The following EPN1 variants were observed in gnomAD, a reference collection of about 807,000 sequenced individuals.
EPN1 encodes the protein epsin 1.
In EPN1, 25 loss-of-function variants were observed where a neutral mutation model predicts 56.9. That is an observed-to-expected ratio of 0.44 (90% CI 0.32 to 0.61). The LOEUF (loss-of-function observed/expected upper bound fraction) is 0.61, where lower values mean the gene tolerates loss of function less well. Ranked by LOEUF, EPN1 falls within the 20% of genes least tolerant of loss-of-function variation. The pLI, the probability that EPN1 is intolerant of heterozygous loss-of-function variation, is 0.05. For missense variants in EPN1, 785 were observed against 823.7 expected (o/e 0.95, Z 0.58); for synonymous variants, 411 against 361.8 (o/e 1.14, Z -1.54).
chr19:55,685,495 C>A lies in EPN1; in HGVS notation c.328C>A (p.Gln110Lys). 6.2e-7 allele frequency: 1 copy of A among 1,612,872 alleles called. No homozygotes were observed. The highest frequency in any genetic ancestry group is 8.5e-7 in the Non-Finnish European group (1 of 1,179,474). ...MYAVQTLKDF[Q>K]YVDRDGKDQG... ...CGCCGTGCAGACGCTGAAGGACTTC[C>A]AGTACGTGGACCGCGACGGCAAGGA... Residue 110 changes from glutamine (Q) to lysine (K), a missense_variant, in exon 3 of 11, where the codon CAG becomes AAG. Transcript: ENST00000270460.
In EPN1 at chr19:55,702,346, GGAGT is replaced by G. The variant is rs2122240475; in HGVS notation, c.*6992_*6995del. ...TTATCTGTGTGTGCTAAAAGGGGAG[GGAGT>G]GTTTCTGTGCCCATTCCCAGGCACC... On this transcript the variant is annotated 3_prime_UTR_variant, in exon 11 of 11. Transcript: ENST00000270460. The G allele has an allele frequency of 6.6e-6, 1 of 152,418 alleles. No homozygotes were observed. The highest frequency in any genetic ancestry group is 1.9e-4 in the East Asian group (1 of 5,180). 9.4% of individuals were successfully genotyped at this position (152,418 alleles called of 1,614,324 possible).
rs929900908 is a variant in EPN1, at chr19:55,705,789, G to A, written c.*10433G>A. ...CAACAGTCATACTGACATTGTGGCT[G>A]GAATATTTGTTGTTGTGGGATATAT... On this transcript the variant is annotated 3_prime_UTR_variant, in exon 11 of 11. Coordinates refer to ENST00000270460, the MANE Select transcript of EPN1 (RefSeq NM_001130072.2). 1 of 116,334 alleles carries A rather than the reference G, an allele frequency of 8.6e-6. No homozygotes were observed. The highest frequency in any genetic ancestry group is 1.9e-5 in the Non-Finnish European group (1 of 53,424). The allele number at this position is 116,334 out of a possible 1,614,324, so 7.2% of individuals were successfully genotyped here.
Position 55,691,777 on chromosome 19 carries a change from C to A in EPN1, c.786C>A (p.Asp262Glu), listed in dbSNP as rs373830625. 3 of 1,612,798 alleles carry A rather than the reference C, an allele frequency of 1.9e-6. No homozygotes were observed. Among genetic ancestry groups the A allele is most frequent in the East Asian group, 4.5e-5 (2 of 44,854 alleles). Reference sequence around the variant, plus strand: ...AGTCGTCCCTCATGGACCTTGCTGACGTCTTCACGGCCCCAGCTCCTGCCC... The same window carrying A: ...AGTCGTCCCTCATGGACCTTGCTGAAGTCTTCACGGCCCCAGCTCCTGCCC... ...KEESSLMDLA[D>E]VFTAPAPAPT... Residue 262 changes from aspartate to glutamate, a missense_variant, in exon 7 of 11, where the codon GAC becomes GAA. Around this residue, in one of 2 missense-constraint regions of EPN1, gnomAD observed 650 missense variants for 605.0 expected, o/e 1.07. Coordinates refer to ENST00000270460, the MANE Select transcript of EPN1 (RefSeq NM_001130072.2). The surrounding 1 kb of genome is among the most constrained non-coding windows in gnomAD (Gnocchi z 5.6).
rs997064638 is a variant in EPN1, at chr19:55,675,269, C to G, written c.-268C>G. On this transcript the variant is annotated 5_prime_UTR_variant, in exon 1 of 11. Transcript: ENST00000270460. The stretch of plus-strand genomic sequence containing the variant: ...TCGGCGGCTCCCCTCCCCCGCCCGG[C>G]TCTCCGCGCCCCTTCTGGGCGGCGG... The G allele has an allele frequency of 3.3e-5, 5 of 152,054 alleles. No homozygotes were observed. Among genetic ancestry groups the G allele is most frequent in the African/African-American group, 9.7e-5 (4 of 41,428 alleles). 9.4% of individuals were successfully genotyped at this position (152,054 alleles called of 1,614,324 possible). A position where few individuals can be genotyped will look rare whatever the true frequency, so the allele number is the denominator to read the frequency against.
rs960543561 is a variant in EPN1 at position 55,700,181 on chromosome 19, C to T, written c.*4825C>T. 1.3e-5 allele frequency: 2 copies of T among 151,108 alleles called. No individual in the cohort carries two copies. Among genetic ancestry groups the T allele is most frequent in the African/African-American group, 5.0e-5 (2 of 40,366 alleles). 9.4% of individuals were successfully genotyped at this position (151,108 alleles called of 1,614,324 possible). On this transcript the variant is annotated 3_prime_UTR_variant, in exon 11 of 11. Transcript: ENST00000270460. ...CTCGTGATCTGCCCACCTCGGCCTTCCAAAGTGTTGGGATTACAGGCTTGA... is the reference window on the plus strand; with the variant it reads ...CTCGTGATCTGCCCACCTCGGCCTTTCAAAGTGTTGGGATTACAGGCTTGA...
chr19:55,694,699 C>A lies in EPN1; in HGVS notation c.1265-27C>A. 6.5e-7 allele frequency: 1 copy of A among 1,537,928 alleles called. No homozygotes were observed. Among genetic ancestry groups the A allele is most frequent in the Non-Finnish European group, 8.8e-7 (1 of 1,142,238 alleles). On this transcript the variant is annotated intron_variant, in intron 9 of 10. Transcript: ENST00000270460. The surrounding 1 kb of genome is among the most constrained non-coding windows in gnomAD (Gnocchi z 4.2). ...GGAGCCTCACTGCTGTCTGCCCTGT[C>A]TGAGCCCCTCTCCCGGATCCTTCCA... is the stretch of plus-strand genomic sequence containing the variant.
At position 55,705,205 on chromosome 19, in the gene EPN1, C is replaced by CT; in HGVS notation, c.*9851dup. The stretch of plus-strand genomic sequence containing the variant: ...GACCTCTTAGGAGTCTTTGAAGGAA[C>CT]TTAGCATAGATACCGATAGCTGCTG... On this transcript the variant is annotated 3_prime_UTR_variant, in exon 11 of 11. Coordinates refer to ENST00000270460, the MANE Select transcript of EPN1 (RefSeq NM_001130072.2). 1 of 152,300 alleles carries CT rather than the reference C, an allele frequency of 6.6e-6. No individual in the cohort carries two copies. Among genetic ancestry groups the CT allele is most frequent in the South Asian group, 2.1e-4 (1 of 4,822 alleles). 9.4% of individuals were successfully genotyped at this position (152,300 alleles called of 1,614,324 possible). A position where few individuals can be genotyped will look rare whatever the true frequency, so the allele number is the denominator to read the frequency against.
rs1356944722 is a variant in EPN1 at position 55,689,273 on chromosome 19, C to T, written c.604-24C>T. On this transcript the variant is annotated intron_variant, in intron 4 of 10. Coordinates refer to ENST00000270460, the MANE Select transcript of EPN1 (RefSeq NM_001130072.2). The surrounding 1 kb of genome is among the most constrained non-coding windows in gnomAD (Gnocchi z 5.7). The stretch of plus-strand genomic sequence containing the variant: ...TCTGCCTCTGGCCCCTCCCGTCATG[C>T]CCCTCACACTCTCTCTCCCCCAGCC... The T allele has an allele frequency of 2.4e-5, 36 of 1,508,626 alleles. No individual in the cohort carries two copies. Among genetic ancestry groups the T allele is most frequent in the Non-Finnish European group, 3.1e-5 (34 of 1,108,168 alleles). 93.5% of individuals were successfully genotyped at this position (1,508,626 alleles called of 1,614,324 possible).
chr19:55,686,816 C>T (rs1247595300), intron 3 of EPN1, among the ~76,000 whole-genome samples: 2 of 151,530 alleles, frequency 1.3e-5, no homozygotes, highest in South Asian at 2.1e-4. Context: ...GGCAGGCAGG[C>T]AGGTGGGTGG....
intron 2 of EPN1, among the ~76,000 whole-genome samples, chr19:55,679,088 A>T (rs1985631150): frequency 6.6e-6 from 1 of 152,238 alleles, no homozygotes; most frequent in African/African-American, 2.4e-5. Flanking sequence ...TCATGTGCTG[A>T]GGAGGCCTGA....
At chr19:55,680,270 G>A (rs557178035) in intron 2 of EPN1, among the ~76,000 whole-genome samples, 1 of 152,322 alleles carries the variant, frequency 6.6e-6, no homozygotes, top group African/African-American at 2.4e-5. Context: ...TGTCATCACA[G>A]TCAAGGCATA....
chr19:55,676,076 C>G (rs376826437), intron 1 of EPN1, among the ~76,000 whole-genome samples: 4 of 152,310 alleles, frequency 2.6e-5, no homozygotes, highest in African/African-American at 9.6e-5. Flanking sequence ...TGTGTCAAAA[C>G]CTCAGTTTCC....
intron 1 of EPN1, chr19:55,677,131 G>C: frequency 1.3e-6 from 2 of 1,551,072 alleles, no homozygotes. Context: ...TCATGGCGGG[G>C]CTTTGAAAAT....
Position 55,689,034 on chromosome 19 carries a change from C to T in EPN1, c.603+40C>T, listed in dbSNP as rs1484971039. On this transcript the variant is annotated intron_variant, in intron 4 of 10. Coordinates refer to ENST00000270460, the MANE Select transcript of EPN1 (RefSeq NM_001130072.2). The surrounding 1 kb of genome is among the most constrained non-coding windows in gnomAD (Gnocchi z 5.7). ...GCTGGGGCTGTCTGTCCGCCACCCG[C>T]CTCCACGCCTCACTTCAGGCTCCCT... 6 of 1,547,428 alleles carry T rather than the reference C, an allele frequency of 3.9e-6. No homozygotes were observed. The East Asian group carries it at 1.4e-4, about 36-fold the overall frequency.
intron 8 of EPN1, 33 bp from the exon 9 acceptor site, chr19:55,692,918 G>A: frequency 1.9e-6 from 3 of 1,610,412 alleles, no homozygotes; most frequent in Non-Finnish European, 2.5e-6. Context: ...GGGGCCCCAG[G>A]GAGGGGCTGA....
chr19:55,680,447 C>A (rs1261076641), intron 2 of EPN1, among the ~76,000 whole-genome samples: 1 of 152,182 alleles, frequency 6.6e-6, no homozygotes, highest in Non-Finnish European at 1.5e-5. Flanking sequence ...GATCCCCAGC[C>A]CATGTGGCTG....
rs1168322491 is a variant in EPN1 at position 55,691,901 on chromosome 19, G to A, written c.910G>A (p.Ala304Thr). The A allele has an allele frequency of 1.9e-6, 3 of 1,597,178 alleles. No homozygotes were observed. The African/African-American group carries it at 4.0e-5, about 21-fold the overall frequency. ...CTGGGGCGGCCCCCCTGTCCCTCCAGCTGCTGATCCCTGGGGAGGTCCAGC... is the reference window on the plus strand; with the variant it reads ...CTGGGGCGGCCCCCCTGTCCCTCCAACTGCTGATCCCTGGGGAGGTCCAGC... ...DPWGGPPVPP[A>T]ADPWGGPAPT... The change falls in exon 7 of 11, where the codon GCT (alanine) becomes ACT (threonine). Residue 304 changes from alanine to threonine, a missense_variant. Coordinates refer to ENST00000270460, the MANE Select transcript of EPN1 (RefSeq NM_001130072.2). The surrounding 1 kb of genome is among the most constrained non-coding windows in gnomAD (Gnocchi z 5.6).
intron 1 of EPN1, chr19:55,677,694 G>A (rs1328576778): frequency 6.5e-6 from 10 of 1,550,146 alleles, no homozygotes; most frequent in Admixed American, 2.0e-5. Flanking sequence ...TCCTTGGGAC[G>A]TCTGGTCTTC....
At position 55,692,550 on chromosome 19, in the gene EPN1, G is replaced by A; in HGVS notation, c.1067-136G>A. On this transcript the variant is annotated intron_variant, in intron 7 of 10. Transcript: ENST00000270460. ...AGTTGGAATTTGAGTGTGTGTGCGG[G>A]AGGCCGGGTGGGGTGGGTTTCTGGG... 3 of 569,222 alleles carry A rather than the reference G, an allele frequency of 5.3e-6. No individual in the cohort carries two copies. In the South Asian group the frequency reaches 7.3e-5, roughly 14 times the overall value. The allele number at this position is 569,222 out of a possible 1,614,324, so 35.3% of individuals were successfully genotyped here. A position where few individuals can be genotyped will look rare whatever the true frequency, so the allele number is the denominator to read the frequency against.
Sources: gnomAD v4.1 joint callset for allele counts (sites outside exome capture counted in the v4.1 genomes callset) on GRCh38, gnomAD v4.1.1 for gene constraint, gnomAD v4.1.1 regional missense constraint, Gnocchi (gnomAD v3.1) non-coding constraint, MANE v1.5 for transcripts, NCBI Gene and HGNC (gene_info 2026-07-23, HGNC 2026-07-21) for gene names.